Variants in LNPEP observed in about 807,000 individuals in gnomAD.
LNPEP encodes the protein leucyl-cystinyl aminopeptidase.
LNPEP carries 64 observed loss-of-function variants against 120.6 expected under a neutral mutation model. The ratio of observed to expected loss-of-function variants is 0.53; its 90% confidence interval spans 0.43 to 0.65. The LOEUF is 0.65. Ranked by LOEUF, LNPEP falls within the 30% of genes least tolerant of loss-of-function variation. LNPEP has a pLI of 0.00. For missense variants in LNPEP, 1,057 were observed against 1,200.0 expected (o/e 0.88, Z 1.76); for synonymous variants, 435 against 425.4 (o/e 1.02, Z -0.28).
At chr5:96,998,824 T>A (rs1436713290) in intron 8 of LNPEP, among the ~76,000 whole-genome samples, 1 of 152,152 alleles carries the variant, frequency 6.6e-6, no homozygotes, top group Admixed American at 6.6e-5. Flanking sequence ...TAATATGTGC[T>A]GAGTGGGACA....
chr5:96,937,167 AG>A (rs1272327911), intron 1 of LNPEP: 7 of 152,238 alleles, frequency 4.6e-5, no homozygotes, highest in African/African-American at 1.7e-4. Flanking sequence ...CTTCAGGTAC[AG>A]TATCACATTA....
At chr5:96,943,097 G>T in intron 1 of LNPEP, 1 of 330,490 alleles carries the variant, frequency 3.0e-6, no homozygotes, top group Non-Finnish European at 5.5e-6. Context: ...GTGACTCATT[G>T]ACTTCCACAG....
Position 96,996,486 on chromosome 5 carries a change from T to C in LNPEP, c.1504T>C (p.Phe502Leu). 6.3e-7 allele frequency: 1 copy of C among 1,580,370 alleles called. No homozygotes were observed. Among genetic ancestry groups the C allele is most frequent in the Non-Finnish European group, 8.7e-7 (1 of 1,150,246 alleles). ...GGAGTATTTCTCTTTGGAAAAAATA[T>C]TCAAAGAGCTTTCTAGTGTAAGTAC... ...FMEYFSLEKIFKELSSYEDFL... is the reference protein window; with the variant it reads ...FMEYFSLEKILKELSSYEDFL... The change falls in exon 7 of 18, where the codon TTC becomes CTC. Residue 502 changes from phenylalanine to leucine, a missense_variant. Coordinates refer to ENST00000231368, the MANE Select transcript of LNPEP (RefSeq NM_005575.3).
intron 4 of LNPEP, among the ~76,000 whole-genome samples, chr5:96,989,503 CCTT>C (rs756513005): frequency 6.1e-5 from 9 of 147,902 alleles, no homozygotes; most frequent in Non-Finnish European, 1.0e-4. Flanking sequence ...TCAGTGTTAA[CCTT>C]CTTTGAGAGC....
chr5:96,993,058 A>C lies in LNPEP; in HGVS notation c.1175A>C (p.Tyr392Ser). Residue 392 changes from tyrosine to serine, a missense_variant, in exon 5 of 18, where the codon TAT becomes TCT. Coordinates refer to ENST00000231368, the MANE Select transcript of LNPEP (RefSeq NM_005575.3). ...AVPEKIGQVH[Y>S]ALETTVKLLE... ...CCAGAAAAGATTGGTCAAGTTCATT[A>C]TGCCTTGGAAACAACTGTGAAGCTT... is the stretch of plus-strand genomic sequence containing the variant. The C allele has an allele frequency of 8.8e-6, 14 of 1,597,898 alleles. No individual in the cohort carries two copies. The highest frequency in any genetic ancestry group is 1.1e-5 in the Non-Finnish European group (13 of 1,168,054).
chr5:96,971,067 A>G (rs1046397579), intron 1 of LNPEP, among the ~76,000 whole-genome samples: 3 of 152,040 alleles, frequency 2.0e-5, no homozygotes, highest in Non-Finnish European at 4.4e-5. Flanking sequence ...TGTGTTCTAA[A>G]TGAATTCTGT....
intron 4 of LNPEP, among the ~76,000 whole-genome samples, chr5:96,989,599 G>T (rs921338444): frequency 5.3e-5 from 8 of 151,554 alleles, no homozygotes; most frequent in African/African-American, 1.9e-4. Flanking sequence ...GTTTCAGGTT[G>T]TAAGTTTTAA....
intron 7 of LNPEP, 77 bp downstream of exon 7, chr5:96,996,580 G>C: frequency 1.3e-6 from 1 of 792,614 alleles, no homozygotes; most frequent in East Asian, 2.6e-5. Flanking sequence ...TGTATTTTCT[G>C]TGCATCTGGA....
At chr5:96,993,750 A>C in intron 5 of LNPEP, 67 bp from the exon 6 acceptor site, 1 of 1,417,782 alleles carries the variant, frequency 7.1e-7, no homozygotes, top group East Asian at 2.3e-5. Context: ...ACCATTGAAT[A>C]AAATACTTTG....
intron 11 of LNPEP, chr5:97,010,205 T>C: frequency 4.6e-6 from 4 of 871,458 alleles, no homozygotes; most frequent in Non-Finnish European, 5.5e-6. Context: ...CCTCTCTCTC[T>C]CTCTTTCTTA....
chr5:97,023,262 C>CT (rs1390274224), intron 14 of LNPEP, among the ~76,000 whole-genome samples: 2 of 151,498 alleles, frequency 1.3e-5, no homozygotes, highest in South Asian at 2.1e-4. Context: ...TCTTTCTTTT[C>CT]TTTTTTTTGG....
chr5:96,985,583 ACT>A (rs1195544052), intron 3 of LNPEP, among the ~76,000 whole-genome samples: 3 of 152,152 alleles, frequency 2.0e-5, no homozygotes, highest in East Asian at 1.9e-4. Flanking sequence ...TTGAATAATA[ACT>A]CTTTTTGGTG....
rs1321863375 is a variant in LNPEP at position 96,979,560 on chromosome 5, A to G, written c.442A>G (p.Ile148Val). The change falls in exon 2 of 18, where the codon ATT becomes GTT. Residue 148 changes from isoleucine (I) to valine (V), a missense_variant. Ile to Val is a conservative substitution (Grantham distance 29, BLOSUM62 3). Transcript: ENST00000231368. The stretch of plus-strand genomic sequence containing the variant: ...AGGCTGCCATAAAAAAAACCAGTCA[A>G]TTGGACTAATTCAGCCATTTGCAAC... ...KEGCHKKNQS[I>V]GLIQPFATNG... 4 of 1,613,932 alleles carry G rather than the reference A, an allele frequency of 2.5e-6. No individual in the cohort carries two copies. Among genetic ancestry groups the G allele is most frequent in the African/African-American group, 2.7e-5 (2 of 74,900 alleles).
chr5:96,996,694 G>A (rs1257276932), intron 7 of LNPEP, among the ~76,000 whole-genome samples, 191 bp downstream of exon 7: 2 of 152,080 alleles, frequency 1.3e-5, no homozygotes, highest in East Asian at 1.9e-4. Context: ...ATTTACTGAT[G>A]TGTTTCATTC....
intron 1 of LNPEP, among the ~76,000 whole-genome samples, chr5:96,972,638 T>C (rs1473209986): frequency 6.6e-6 from 1 of 152,104 alleles, no homozygotes; most frequent in Non-Finnish European, 1.5e-5. Flanking sequence ...ACCAGAGTGA[T>C]TGTGGGCTCA....
chr5:96,983,504 G>A (rs1790173225), intron 2 of LNPEP, among the ~76,000 whole-genome samples: 1 of 152,030 alleles, frequency 6.6e-6, no homozygotes, highest in Non-Finnish European at 1.5e-5. Context: ...GGAGTGCAGT[G>A]GTGCAATCTT....
chr5:96,950,946 G>C (rs1789305962), intron 1 of LNPEP, among the ~76,000 whole-genome samples: 1 of 152,146 alleles, frequency 6.6e-6, no homozygotes, highest in African/African-American at 2.4e-5. Flanking sequence ...TACAGACTGG[G>C]TGGCTTCGAC....
chr5:96,937,156 A>G (rs895790100), intron 1 of LNPEP: 5 of 152,312 alleles, frequency 3.3e-5, no homozygotes, highest in African/African-American at 1.2e-4. Context: ...GTGGTTGGTT[A>G]CTTCAGGTAC....
intron 1 of LNPEP, among the ~76,000 whole-genome samples, chr5:96,938,162 T>C (rs1788964327): frequency 6.6e-6 from 1 of 152,240 alleles, no homozygotes; most frequent in Non-Finnish European, 1.5e-5. Context: ...AATTTTCTAG[T>C]GTTTTCAAAT....
Sources: gnomAD v4.1 joint callset for allele counts (sites outside exome capture counted in the v4.1 genomes callset) on GRCh38, gnomAD v4.1.1 for gene constraint, MANE v1.5 for transcripts, NCBI Gene and HGNC (gene_info 2026-07-23, HGNC 2026-07-21) for gene names.